Variants in TOX observed in about 807,000 individuals in gnomAD.
The protein encoded by TOX is thymocyte selection associated high mobility group box.
Under a neutral mutation model 53.7 loss-of-function variants are expected in TOX, and 11 were observed. That is an observed-to-expected ratio of 0.20 (90% confidence interval 0.13 to 0.34). The LOEUF is 0.34. Among genes scored for constraint, TOX ranks in the 10% least tolerant of loss-of-function variants. TOX has a pLI of 1.00. For synonymous variants in TOX, 225 were observed against 245.3 expected, an observed-to-expected ratio of 0.92 and a Z score of 0.77; for missense variants, 570 against 664.6, an observed-to-expected ratio of 0.86 and a Z score of 1.56.
intron 3 of TOX, among the ~76,000 whole-genome samples, chr8:58,859,699 C>G (rs1265017828): frequency 6.6e-6 from 1 of 152,192 alleles, no homozygotes; most frequent in Admixed American, 6.5e-5. Context: ...CCATCTCACT[C>G]CTTTACACTG....
At chr8:58,948,675 T>C (rs1812565518) in intron 2 of TOX, among the ~76,000 whole-genome samples, 1 of 151,906 alleles carries the variant, frequency 6.6e-6, no homozygotes, top group South Asian at 2.1e-4. Context: ...TTTAATTTCA[T>C]CATTCAGCAT....
Position 58,851,380 on chromosome 8 carries a change from G to T in TOX, c.693+144C>A. ...ACAAGCAGGTGGTTTAATCCAGTATGTTTGTAACCTCATGCTTCATTAACA... is the reference window on the plus strand; with the variant it reads ...ACAAGCAGGTGGTTTAATCCAGTATTTTTGTAACCTCATGCTTCATTAACA... On this transcript the variant is annotated intron_variant, in intron 4 of 8. Transcript: ENST00000361421. This position sits in a 1 kb window ranked among gnomAD's most constrained non-coding sequence, Gnocchi z 4.4. 1.1e-6 allele frequency: 1 copy of T among 912,462 alleles called. No homozygotes were observed. The highest frequency in any genetic ancestry group is 1.6e-6 in the Non-Finnish European group (1 of 613,240). 56.5% of individuals were successfully genotyped at this position (912,462 alleles called of 1,614,324 possible).
intron 1 of TOX, among the ~76,000 whole-genome samples, chr8:59,088,246 G>T (rs1804548323): frequency 6.6e-6 from 1 of 152,050 alleles, no homozygotes; most frequent in South Asian, 2.1e-4. Flanking sequence ...TATTTTTAAA[G>T]GTTTTTCTTT....
In TOX at chr8:59,118,819, G is replaced by T; in HGVS notation, c.102+67C>A. 1 of 1,330,156 alleles carries T rather than the reference G, an allele frequency of 7.5e-7. No homozygotes were observed. Among genetic ancestry groups the T allele is most frequent in the Non-Finnish European group, 1.0e-6 (1 of 974,350 alleles). The allele number at this position is 1,330,156 out of a possible 1,614,324, so 82.4% of individuals were successfully genotyped here. On this transcript the variant is annotated intron_variant, in intron 1 of 8. Coordinates refer to ENST00000361421, the MANE Select transcript of TOX (RefSeq NM_014729.3). The surrounding 1 kb of genome is among the most constrained non-coding windows in gnomAD (Gnocchi z 4.1). ...GCCAAGCCGGCCCCGCCGCGGCCCG[G>T]CCACCGCCGCTCCCCTCCCAGGATC...
rs558758670 is a variant in TOX at position 58,820,948 on chromosome 8, G to A, written c.1006-5224C>T. 3.9e-5 allele frequency among the ~76,000 whole-genome samples: 6 copies of A among 152,218 alleles called. No homozygotes were observed. In the South Asian group the frequency reaches 8.3e-4, roughly 21 times the overall value. On this transcript the variant is annotated intron_variant, in intron 6 of 8. Transcript: ENST00000361421. ...TTTAGATCCATGTCTAGGAATTCCCGAGTCTATGGAAAAACTATATTTCCT... is the reference window on the plus strand; with the variant it reads ...TTTAGATCCATGTCTAGGAATTCCCAAGTCTATGGAAAAACTATATTTCCT...
intron 2 of TOX, among the ~76,000 whole-genome samples, chr8:58,951,327 CTG>C (rs1812616496): frequency 6.6e-6 from 1 of 152,142 alleles, no homozygotes; most frequent in South Asian, 2.1e-4. Context: ...TAGCTTCCAA[CTG>C]AGAGCTATTA....
chr8:58,810,761 T>C (rs1049106519), intron 7 of TOX, among the ~76,000 whole-genome samples: 6 of 151,860 alleles, frequency 4.0e-5, no homozygotes, highest in African/African-American at 1.5e-4. Context: ...TGGAAACATA[T>C]GAAAAAGCAA....
At chr8:58,873,110 A>G (rs1201412461) in intron 3 of TOX, among the ~76,000 whole-genome samples, 1 of 152,076 alleles carries the variant, frequency 6.6e-6, no homozygotes, top group Non-Finnish European at 1.5e-5. Context: ...TTCCCCAAAT[A>G]ATGTTCTTGC....
chr8:58,819,579 T>G (rs1810238949), intron 6 of TOX, among the ~76,000 whole-genome samples: 1 of 152,224 alleles, frequency 6.6e-6, no homozygotes, highest in South Asian at 2.1e-4. Context: ...GCAAAATGTA[T>G]AAAGGATACA....
chr8:58,877,792 C>G lies in TOX; in HGVS notation c.412-25987G>C, dbSNP rs551288946. 9.9e-5 allele frequency among the ~76,000 whole-genome samples: 15 copies of G among 152,108 alleles called. No individual in the cohort carries two copies. In the East Asian group the frequency reaches 2.9e-3, roughly 29 times the overall value. On this transcript the variant is annotated intron_variant, in intron 3 of 8. Transcript: ENST00000361421. Reference sequence around the variant, plus strand: ...CATGTGCAGGCCTTTCAAACACTTTCTAATCCCAGCAACAACCTCTGTTTC... The same window carrying G: ...CATGTGCAGGCCTTTCAAACACTTTGTAATCCCAGCAACAACCTCTGTTTC...
intron 1 of TOX, among the ~76,000 whole-genome samples, chr8:59,076,363 T>C (rs943345868): frequency 7.2e-5 from 11 of 152,200 alleles, no homozygotes; most frequent in African/African-American, 2.4e-4. Flanking sequence ...AATGAGGAGA[T>C]GTGAGAGTGC....
intron 6 of TOX, among the ~76,000 whole-genome samples, chr8:58,816,865 G>C (rs1441662332): frequency 2.6e-5 from 4 of 152,114 alleles, no homozygotes; most frequent in African/African-American, 7.2e-5. Flanking sequence ...CATCATGCAC[G>C]ACAGCGTGAA....
At chr8:58,918,953 C>T (rs945780511) in intron 3 of TOX, among the ~76,000 whole-genome samples, 2 of 151,622 alleles carry the variant, frequency 1.3e-5, no homozygotes, top group Non-Finnish European at 2.9e-5. Flanking sequence ...CTCCCATTCA[C>T]AATTGCTTCA....
chr8:58,838,054 A>G (rs1810576538), intron 5 of TOX, 27 bp downstream of exon 5: 2 of 1,606,294 alleles, frequency 1.2e-6, no homozygotes, highest in Middle Eastern at 1.7e-4. Context: ...GCTTATGTAG[A>G]TTCCCATTCC....
rs117905622 is a variant in TOX, at chr8:58,808,800, C to G, written c.1393-531G>C. Among the ~76,000 whole-genome samples, 758 of 152,286 alleles carry G rather than the reference C, an allele frequency of 5.0e-3. 4 individuals carry two copies. The highest frequency in any genetic ancestry group is 8.0e-3 in the Non-Finnish European group (545 of 68,024). The stretch of plus-strand genomic sequence containing the variant: ...CTTCTTCTTTTATTTGTATTTCTCT[C>G]TCAGCTAAAAAATTTCAACCAAAGC... On this transcript the variant is annotated intron_variant, in intron 7 of 8. Coordinates refer to ENST00000361421, the MANE Select transcript of TOX (RefSeq NM_014729.3).
intron 3 of TOX, among the ~76,000 whole-genome samples, chr8:58,930,520 A>C (rs995884833): frequency 2.0e-5 from 3 of 152,192 alleles, no homozygotes; most frequent in African/African-American, 7.2e-5. Flanking sequence ...TGGGGAAGGA[A>C]GGAAAGAGAA....
At chr8:58,948,089 C>T (rs1238275602) in intron 2 of TOX, among the ~76,000 whole-genome samples, 1 of 152,180 alleles carries the variant, frequency 6.6e-6, no homozygotes, top group East Asian at 1.9e-4. Context: ...CACCAGAACA[C>T]GAGGTCAACT....
chr8:58,876,138 C>T (rs1811279377), intron 3 of TOX, among the ~76,000 whole-genome samples: 1 of 151,778 alleles, frequency 6.6e-6, no homozygotes, highest in African/African-American at 2.4e-5. Context: ...CCACAAAATA[C>T]ATGTTAGTGT....
chr8:58,996,709 T>C (rs1236592662), intron 1 of TOX, among the ~76,000 whole-genome samples: 1 of 152,184 alleles, frequency 6.6e-6, no homozygotes, highest in African/African-American at 2.4e-5. Flanking sequence ...AGACAAATAC[T>C]TTTTATCGGC....
Sources: allele counts gnomAD v4.1 joint callset (sites outside exome capture counted in the v4.1 genomes callset), GRCh38; gene constraint gnomAD v4.1.1; non-coding constraint Gnocchi (gnomAD v3.1); transcripts MANE v1.5; gene names NCBI Gene and HGNC (gene_info 2026-07-23, HGNC 2026-07-21).